The following GFRA2 variants were observed in gnomAD, a reference collection of about 807,000 sequenced individuals.
The protein encoded by GFRA2 is GDNF family receptor alpha 2, also known as GDNF family receptor alpha-2.
Under a neutral mutation model 48.3 loss-of-function variants are expected in GFRA2, and 17 were observed. The observed-to-expected ratio is 0.35, with a 90% CI of 0.24 to 0.53. The LOEUF is 0.53. Among genes scored for constraint, GFRA2 ranks in the 20% least tolerant of loss-of-function variants. The pLI is 0.93. For synonymous variants in GFRA2, 305 were observed against 257.2 expected (o/e 1.19, Z -1.78); for missense variants, 660 against 637.3 (o/e 1.04, Z -0.38).
intron 1 of GFRA2, among the ~76,000 whole-genome samples, chr8:21,808,916 T>C (rs919281577): frequency 6.6e-6 from 1 of 152,256 alleles, no homozygotes; most frequent in African/African-American, 2.4e-5. Flanking sequence ...AATTGCAAAG[T>C]GATTTCACAT....
chr8:21,743,239 C>T (rs1306460305), intron 4 of GFRA2, among the ~76,000 whole-genome samples: 10 of 152,076 alleles, frequency 6.6e-5, no homozygotes, highest in Admixed American at 6.5e-4. Flanking sequence ...AAGGGGGTGG[C>T]CTTTTCCCCC....
chr8:21,782,528 C>T (rs902768483), intron 2 of GFRA2, 57 bp downstream of exon 2: 51 of 1,339,652 alleles, frequency 3.8e-5, no homozygotes, highest in South Asian at 6.8e-5. Context: ...GCCCGCCACA[C>T]GTCCTCTCTG....
chr8:21,773,629 A>G (rs1371154337), intron 3 of GFRA2, among the ~76,000 whole-genome samples: 3 of 152,238 alleles, frequency 2.0e-5, no homozygotes, highest in Non-Finnish European at 2.9e-5. Flanking sequence ...ACAAAATGTT[A>G]TTCCTTGGTA....
At chr8:21,764,226 G>C (rs36140918) in intron 3 of GFRA2, among the ~76,000 whole-genome samples, 39,852 of 152,064 alleles carry the variant, frequency 0.26, 6,107 homozygotes, top group African/African-American at 0.42. Flanking sequence ...AGGTGCTGGT[G>C]GATTTGGTGT....
At chr8:21,786,659 C>G (rs1807282272) in intron 1 of GFRA2, among the ~76,000 whole-genome samples, 1 of 152,180 alleles carries the variant, frequency 6.6e-6, no homozygotes, top group Non-Finnish European at 1.5e-5. Flanking sequence ...GAGGTAGGAC[C>G]TCTGAGGCCA....
At chr8:21,728,244 T>G (rs941123418) in intron 4 of GFRA2, among the ~76,000 whole-genome samples, 1 of 144,356 alleles carries the variant, frequency 6.9e-6, no homozygotes, top group African/African-American at 2.5e-5. Flanking sequence ...GGATTCTGTT[T>G]CCACAGACTC....
intron 4 of GFRA2, among the ~76,000 whole-genome samples, chr8:21,723,727 G>A (rs942107947): frequency 2.6e-5 from 4 of 152,302 alleles, no homozygotes; most frequent in Admixed American, 2.0e-4. Context: ...GAGGGAGGTC[G>A]CCAAGACCAC....
intron 1 of GFRA2, among the ~76,000 whole-genome samples, chr8:21,783,413 T>C (rs1285374329): frequency 1.3e-5 from 2 of 152,120 alleles, no homozygotes; most frequent in African/African-American, 2.4e-5. Context: ...TAGGACCTTA[T>C]AGACACCATA....
intron 4 of GFRA2, among the ~76,000 whole-genome samples, chr8:21,730,809 C>T (rs888638298): frequency 1.3e-5 from 2 of 152,170 alleles, no homozygotes; most frequent in Non-Finnish European, 2.9e-5. Context: ...CTCCTCAAAT[C>T]GTATCTTCCC....
chr8:21,728,386 T>C (rs1366876984), intron 4 of GFRA2, among the ~76,000 whole-genome samples: 1 of 145,922 alleles, frequency 6.9e-6, no homozygotes, highest in Non-Finnish European at 1.5e-5. Context: ...GCAATTCTCC[T>C]GCCTTAGCCT....
At chr8:21,744,665 G>A (rs1404451004) in intron 4 of GFRA2, among the ~76,000 whole-genome samples, 2 of 151,730 alleles carry the variant, frequency 1.3e-5, no homozygotes, top group African/African-American at 2.4e-5. Flanking sequence ...TGTAGATCTT[G>A]GCCCACTGTG....
chr8:21,716,774 A>G (rs1023744498), intron 4 of GFRA2, among the ~76,000 whole-genome samples: 2 of 152,226 alleles, frequency 1.3e-5, no homozygotes, highest in African/African-American at 4.8e-5. Context: ...ACAGCCATGC[A>G]TGGAGATTTT....
At position 21,690,951 on chromosome 8, in the gene GFRA2, C is replaced by T. The variant is rs903909636; in HGVS notation, c.*2327G>A. The T allele has an allele frequency of 2.0e-5, 3 of 152,238 alleles. No homozygotes were observed. Among genetic ancestry groups the T allele is most frequent in the African/African-American group, 7.2e-5 (3 of 41,446 alleles). The allele number at this position is 152,238 out of a possible 1,614,324, so 9.4% of individuals were successfully genotyped here. On this transcript the variant is annotated 3_prime_UTR_variant, in exon 9 of 9. Coordinates refer to ENST00000524240, the MANE Select transcript of GFRA2 (RefSeq NM_001495.5). ...GATTCCTAAGTGGATGCCATGACCA[C>T]GTCTACCCGCAATGGCTGGACAGAG...
At chr8:21,740,507 C>T (rs1006006206) in intron 4 of GFRA2, among the ~76,000 whole-genome samples, 8 of 152,156 alleles carry the variant, frequency 5.3e-5, no homozygotes, top group Admixed American at 4.6e-4. Flanking sequence ...CTACAGCATA[C>T]GGCACGGCTA....
chr8:21,781,845 G>C (rs1226149259), intron 2 of GFRA2, among the ~76,000 whole-genome samples: 6 of 152,206 alleles, frequency 3.9e-5, no homozygotes, highest in African/African-American at 1.4e-4. Flanking sequence ...TGGAGGGGGA[G>C]GGGATGTGAA....
In GFRA2 at chr8:21,744,543, C is replaced by T. The variant is rs902322913; in HGVS notation, c.794+6045G>A. On this transcript the variant is annotated intron_variant, in intron 4 of 8. Coordinates refer to ENST00000524240, the MANE Select transcript of GFRA2 (RefSeq NM_001495.5). The stretch of plus-strand genomic sequence containing the variant: ...AATCATCCTCCCACGACCCCCCAAC[C>T]ACCACCAACACACACACACACACAC... Among the ~76,000 whole-genome samples the T allele has an allele frequency of 9.6e-4, 103 of 107,842 alleles. 1 individual carries two copies. In the Admixed American group the frequency reaches 0.01, roughly 11 times the overall value. The allele number at this position is 107,842 out of a possible 152,430, so 70.7% of individuals were successfully genotyped here.
intron 4 of GFRA2, among the ~76,000 whole-genome samples, chr8:21,722,203 C>T (rs758203427): frequency 6.6e-6 from 1 of 152,146 alleles, no homozygotes; most frequent in Non-Finnish European, 1.5e-5. Context: ...CCCTCTGTGC[C>T]CTTCCTCCTA....
chr8:21,722,182 A>T (rs1187026942), intron 4 of GFRA2, among the ~76,000 whole-genome samples: 2 of 152,182 alleles, frequency 1.3e-5, no homozygotes, highest in Non-Finnish European at 2.9e-5. Flanking sequence ...CATGCTAGCC[A>T]GTGCTTTTCC....
Position 21,734,984 on chromosome 8 carries a change from C to A in GFRA2, c.794+15604G>T, listed in dbSNP as rs147571747. Among the ~76,000 whole-genome samples, 30 of 152,340 alleles carry A rather than the reference C, an allele frequency of 2.0e-4. 1 individual carries two copies. The highest frequency in any genetic ancestry group is 6.7e-4 in the African/African-American group (28 of 41,586). ...AAAGAATGCAACCCTTTGTCTCTCA[C>A]CTTTTGGAAGCCCCCTCCCCGCTTC... On this transcript the variant is annotated intron_variant, in intron 4 of 8. Coordinates refer to ENST00000524240, the MANE Select transcript of GFRA2 (RefSeq NM_001495.5).
Sources: allele counts gnomAD v4.1 joint callset (sites outside exome capture counted in the v4.1 genomes callset), GRCh38; gene constraint gnomAD v4.1.1; transcripts MANE v1.5; gene names NCBI Gene and HGNC (gene_info 2026-07-23, HGNC 2026-07-21).